ANKRD11: variants seen among roughly 807,000 people sequenced by gnomAD.
ANKRD11 encodes the protein ankyrin repeat domain 11, also known as ankyrin repeat domain-containing protein 11.
A neutral mutation model predicts 195.7 loss-of-function variants in ANKRD11; 17 were observed. That is an observed-to-expected ratio of 0.09 (90% CI 0.06 to 0.13). The LOEUF (loss-of-function observed/expected upper bound fraction) is 0.13. ANKRD11 is among the 10% of genes least tolerant of loss of function. The probability of loss-of-function intolerance (pLI) is 1.00; values close to 1 mark genes in which losing one functional copy is unlikely to be tolerated. For synonymous variants in ANKRD11, 1,953 were observed against 1,528.1 expected, an observed-to-expected ratio of 1.28 and a Z score of -6.49; for missense variants, 3,735 against 3,566.1, an observed-to-expected ratio of 1.05 and a Z score of -1.21.
intron 2 of ANKRD11, among the ~76,000 whole-genome samples, chr16:89,364,537 G>C (rs1006438985): frequency 6.6e-6 from 1 of 152,146 alleles, no homozygotes; most frequent in Non-Finnish European, 1.5e-5. Flanking sequence ...AAACAGCGCT[G>C]AGCACAGCAG....
intron 2 of ANKRD11, among the ~76,000 whole-genome samples, chr16:89,366,094 C>T (rs886261573): frequency 2.5e-4 from 35 of 142,706 alleles, no homozygotes; most frequent in African/African-American, 9.4e-4. Context: ...GGCGCCACTG[C>T]ACTCTAGCCT....
At chr16:89,398,350 A>G (rs1364986194) in intron 2 of ANKRD11, among the ~76,000 whole-genome samples, 3 of 88,822 alleles carry the variant, frequency 3.4e-5, no homozygotes, top group African/African-American at 1.2e-4. Flanking sequence ...TGACCTCAGC[A>G]CTCTAGGAGG....
chr16:89,329,280 C>T (rs1427416142), intron 2 of ANKRD11, among the ~76,000 whole-genome samples: 2 of 152,158 alleles, frequency 1.3e-5, no homozygotes, highest in African/African-American at 2.4e-5. Context: ...GTCTGCAGGG[C>T]GGTCACCCTG....
chr16:89,301,244 T>C, intron 4 of ANKRD11: 1 of 386,194 alleles, frequency 2.6e-6, no homozygotes, highest in East Asian at 3.9e-5. Flanking sequence ...GGGTGAAGGG[T>C]GTGAGCCACT....
chr16:89,342,393 G>A (rs1241363012), intron 2 of ANKRD11, among the ~76,000 whole-genome samples: 3 of 152,228 alleles, frequency 2.0e-5, no homozygotes, highest in Non-Finnish European at 4.4e-5. Flanking sequence ...TTGAGGCCTT[G>A]GGAAGACAGC....
In ANKRD11 at chr16:89,280,744, G is replaced by C. The variant is rs371829075; in HGVS notation, c.5798C>G (p.Pro1933Arg). The C allele has an allele frequency of 6.2e-7, 1 of 1,613,498 alleles. No individual in the cohort carries two copies. Among genetic ancestry groups the C allele is most frequent in the Admixed American group, 1.7e-5 (1 of 60,018 alleles). The change falls in exon 9 of 13, where the codon CCG becomes CGG. Residue 1933 changes from proline (P) to arginine (R), a missense_variant. By Grantham distance (103) the Pro-to-Arg change is moderately radical (BLOSUM62 -2). Transcript: ENST00000301030. ...GGCGCTGAAGGGACCCTCGTCCAGCGGCTCCAGGTAGCTGGGCTCCGGGGG... is the reference window on the plus strand; with the variant it reads ...GGCGCTGAAGGGACCCTCGTCCAGCCGCTCCAGGTAGCTGGGCTCCGGGGG... The part of the protein sequence containing the change: ...IIPPEPSYLE[P>R]LDEGPFSAVI...
chr16:89,483,914 A>T (rs1404048788), intron 1 of ANKRD11, among the ~76,000 whole-genome samples: 1 of 152,244 alleles, frequency 6.6e-6, no homozygotes, highest in Non-Finnish European at 1.5e-5. Context: ...TCTCAAAGTA[A>T]CAAAAATATC....
intron 1 of ANKRD11, among the ~76,000 whole-genome samples, chr16:89,443,711 G>A (rs1415216662): frequency 6.6e-6 from 1 of 152,210 alleles, no homozygotes; most frequent in Non-Finnish European, 1.5e-5. Flanking sequence ...CTTAAGAGCG[G>A]GAACACCCCT....
At chr16:89,477,356 T>C (rs1488903194) in intron 1 of ANKRD11, among the ~76,000 whole-genome samples, 2 of 150,860 alleles carry the variant, frequency 1.3e-5, no homozygotes, top group Admixed American at 1.3e-4. Context: ...CCACGCGTAA[T>C]TTCTTTTTTT....
chr16:89,376,915 T>A (rs908921304), intron 2 of ANKRD11, among the ~76,000 whole-genome samples: 2 of 152,224 alleles, frequency 1.3e-5, no homozygotes, highest in Non-Finnish European at 2.9e-5. Flanking sequence ...ACTGCCTTTA[T>A]CTATAAAGCT....
Position 89,274,994 on chromosome 16 carries a change from G to A in ANKRD11, c.7570-37C>T, listed in dbSNP as rs147131178. On this transcript the variant is annotated intron_variant, in intron 10 of 12. Transcript: ENST00000301030. Reference sequence around the variant, plus strand: ...GAGGAGTAGAGTGAGCTGGGACACAGCCACGCTCCAGGCCCCACTGTCAAC... The same window carrying A: ...GAGGAGTAGAGTGAGCTGGGACACAACCACGCTCCAGGCCCCACTGTCAAC... 2.9e-4 allele frequency: 467 copies of A among 1,612,598 alleles called. 3 individuals carry two copies. The African/African-American group carries it at 5.5e-3, about 19-fold the overall frequency.
chr16:89,427,433 T>C (rs2042761592), intron 1 of ANKRD11, among the ~76,000 whole-genome samples: 1 of 152,262 alleles, frequency 6.6e-6, no homozygotes, highest in African/African-American at 2.4e-5. Flanking sequence ...TGTAAACCTC[T>C]TACATACTAC....
rs2151766571 is a variant in ANKRD11 at position 89,285,556 on chromosome 16, T to C, written c.986A>G (p.His329Arg). Residue 329 changes from histidine to arginine, a missense_variant, in exon 9 of 13, where the codon CAC becomes CGC. His to Arg is a conservative substitution (Grantham distance 29, BLOSUM62 0). Transcript: ENST00000301030. This position sits in a 1 kb window ranked among gnomAD's most constrained non-coding sequence, Gnocchi z 5.6. ...TDSEFEKGLK[H>R]KAKNPEPQKA... is the part of the protein sequence containing the mutation. ...CTGTGGCTCTGGGTTCTTGGCCTTG[T>C]GCTTGAGGCCTTTTTCGAACTCGGA... 2 of 1,614,182 alleles carry C rather than the reference T, an allele frequency of 1.2e-6. No individual in the cohort carries two copies. The highest frequency in any genetic ancestry group is 1.7e-6 in the Non-Finnish European group (2 of 1,180,022).
chr16:89,489,633 G>A lies in ANKRD11; in HGVS notation c.-145+612C>T, dbSNP rs1275057164. 2.0e-5 allele frequency among the ~76,000 whole-genome samples: 3 copies of A among 151,926 alleles called. No individual in the cohort carries two copies. In the East Asian group the frequency reaches 5.8e-4, roughly 29 times the overall value. ...AGCACGGCGAAGGCGCCCCTCTCGCGGGTCAGAGGTCGGCGCCCCAGCTCC... is the reference window on the plus strand; with the variant it reads ...AGCACGGCGAAGGCGCCCCTCTCGCAGGTCAGAGGTCGGCGCCCCAGCTCC... On this transcript the variant is annotated intron_variant, in intron 1 of 12. Transcript: ENST00000301030.
chr16:89,395,124 G>T (rs1014130397), intron 2 of ANKRD11, among the ~76,000 whole-genome samples: 1 of 152,190 alleles, frequency 6.6e-6, no homozygotes, highest in African/African-American at 2.4e-5. Flanking sequence ...ATGAAAGAGG[G>T]CCAAGAACAG....
intron 1 of ANKRD11, among the ~76,000 whole-genome samples, chr16:89,484,395 T>A (rs1567868870): frequency 1.3e-5 from 2 of 152,190 alleles, no homozygotes; most frequent in Non-Finnish European, 2.9e-5. Context: ...TACATCATCA[T>A]CCAGAATTAA....
intron 1 of ANKRD11, among the ~76,000 whole-genome samples, chr16:89,442,865 C>A (rs1001733311): frequency 6.6e-6 from 1 of 152,248 alleles, no homozygotes; most frequent in African/African-American, 2.4e-5. Flanking sequence ...CCGGCCACCA[C>A]CTCCCACGGG....
At chr16:89,419,608 C>T (rs1246567484) in intron 1 of ANKRD11, among the ~76,000 whole-genome samples, 5 of 152,190 alleles carry the variant, frequency 3.3e-5, no homozygotes, top group Admixed American at 3.3e-4. Flanking sequence ...CCTCCAACTC[C>T]AAACACTTCC....
intron 4 of ANKRD11, among the ~76,000 whole-genome samples, chr16:89,302,065 G>A (rs1432219998): frequency 1.3e-5 from 2 of 152,170 alleles, no homozygotes; most frequent in African/African-American, 4.8e-5. Flanking sequence ...TGTCTGTCAC[G>A]TGTCAGTTAA....
Sources: gnomAD v4.1 joint callset for allele counts (sites outside exome capture counted in the v4.1 genomes callset) on GRCh38, gnomAD v4.1.1 for gene constraint, Gnocchi (gnomAD v3.1) non-coding constraint, MANE v1.5 for transcripts, NCBI Gene and HGNC (gene_info 2026-07-23, HGNC 2026-07-21) for gene names.